Variants in SOD2 observed in about 807,000 individuals in gnomAD.
The protein encoded by SOD2 is superoxide dismutase 2, also known as superoxide dismutase [Mn], mitochondrial.
Under a neutral mutation model 27.0 loss-of-function variants are expected in SOD2, and 11 were observed. The observed-to-expected ratio is 0.41, with a 90% CI of 0.26 to 0.67. The LOEUF (loss-of-function observed/expected upper bound fraction) is 0.67, where lower values mean the gene tolerates loss of function less well. Ranked by LOEUF, SOD2 falls within the 30% of genes least tolerant of loss-of-function variation. The pLI, the probability that SOD2 is intolerant of heterozygous loss-of-function variation, is 0.34. For missense variants in SOD2, 250 were observed against 274.5 expected (o/e 0.91, Z 0.63); for synonymous variants, 105 against 103.0 (o/e 1.02, Z -0.12).
At chr6:159,740,673 G>A (rs146893519) in intron 1 of SOD2, among the ~76,000 whole-genome samples, 47 of 150,116 alleles carry the variant, frequency 3.1e-4, no homozygotes, top group Admixed American at 6.0e-4. Flanking sequence ...GATTAGTTTG[G>A]TATTAGGAAG....
intron 1 of SOD2, chr6:159,736,821 T>G (rs1190550966): frequency 6.5e-6 from 1 of 152,862 alleles, no homozygotes. Flanking sequence ...TAATTACTCT[T>G]ACATACACAC....
intron 1 of SOD2, among the ~76,000 whole-genome samples, chr6:159,708,050 C>T (rs1355945489): frequency 6.6e-6 from 1 of 152,146 alleles, no homozygotes. Context: ...CAGAAAAGGC[C>T]TTGGACAAAA....
chr6:159,758,212 C>T (rs985048076), intron 1 of SOD2, among the ~76,000 whole-genome samples: 1 of 151,662 alleles, frequency 6.6e-6, no homozygotes, highest in Non-Finnish European at 1.5e-5. Context: ...TTGTTTTTCT[C>T]CCCTGTAAGA....
rs1777920017 is a variant in SOD2 at position 159,716,283 on chromosome 6, G to T, written c.-116+10846C>A. On this transcript the variant is annotated intron_variant, in intron 1 of 2. Coordinates refer to the SOD2 transcript ENST00000401980. ...ACAAGAACTGGCAGTCCCTTGGTGA[G>T]TCTGGAAGATTAACAAGGTCATCCC... 2.0e-5 allele frequency among the ~76,000 whole-genome samples: 3 copies of T among 152,202 alleles called. No homozygotes were observed. The South Asian group carries it at 6.2e-4, about 31-fold the overall frequency.
chr6:159,755,818 T>A, intron 1 of SOD2: 1 of 839,942 alleles, frequency 1.2e-6, no homozygotes, highest in Non-Finnish European at 1.6e-6. Flanking sequence ...GCTTTGGAAA[T>A]TGTAACAGTT....
At chr6:159,743,447 A>G (rs1779382973) in intron 1 of SOD2, among the ~76,000 whole-genome samples, 1 of 152,232 alleles carries the variant, frequency 6.6e-6, no homozygotes, top group Non-Finnish European at 1.5e-5. Context: ...AGATGAAACT[A>G]TAAAAACATA....
rs954315245 is a variant in SOD2, at chr6:159,670,466, A to G, written c.*12027T>C. 3 of 152,238 alleles carry G rather than the reference A, an allele frequency of 2.0e-5. No individual in the cohort carries two copies. Among genetic ancestry groups the G allele is most frequent in the East Asian group, 1.9e-4 (1 of 5,206 alleles). 9.4% of individuals were successfully genotyped at this position (152,238 alleles called of 1,614,324 possible). A position where few individuals can be genotyped will look rare whatever the true frequency, so the allele number is the denominator to read the frequency against. On this transcript the variant is annotated 3_prime_UTR_variant, in exon 5 of 5. Transcript: ENST00000538183. ...GCAGCTGTAAGCACTACCAGCAAGT[A>G]TACCCTACTGGTTGGAGAACTTTGT...
chr6:159,748,591 G>A (rs1307732515), upstream of SOD2: 1 of 1,360,820 alleles, frequency 7.3e-7, no homozygotes, highest in Non-Finnish European at 9.4e-7. The surrounding 1 kb of genome is among the most constrained non-coding windows in gnomAD (Gnocchi z 5.6). Context: ...TTGCTTCAGA[G>A]GCCTGATGGC....
rs1779785309 is a variant in SOD2 at position 159,676,573 on chromosome 6, A to T, written c.*5920T>A. 6.6e-6 allele frequency: 1 copy of T among 152,092 alleles called. No individual in the cohort carries two copies. Among genetic ancestry groups the T allele is most frequent in the Admixed American group, 6.6e-5 (1 of 15,264 alleles). 9.4% of individuals were successfully genotyped at this position (152,092 alleles called of 1,614,324 possible). A position where few individuals can be genotyped will look rare whatever the true frequency, so the allele number is the denominator to read the frequency against. Reference sequence around the variant, plus strand: ...GAGAACACTTGGACACAGGAAGGGGAACATCACACACCGGGGCCTGTCGAG... The same window carrying T: ...GAGAACACTTGGACACAGGAAGGGGTACATCACACACCGGGGCCTGTCGAG... On this transcript the variant is annotated 3_prime_UTR_variant, in exon 5 of 5. Transcript: ENST00000538183.
In SOD2 at chr6:159,739,168, G is replaced by A. The variant is rs1779094620; in HGVS notation, c.-116+5962C>T. ...TTGTTCTATCCTCAAATAATTTAAT[G>A]TACTTTTTGAGCATACTATGACCTA... On this transcript the variant is annotated intron_variant, in intron 1 of 3. Coordinates refer to the SOD2 transcript ENST00000537657. 9.0e-6 allele frequency: 7 copies of A among 774,012 alleles called. No individual in the cohort carries two copies. In the South Asian group the frequency reaches 1.4e-4, roughly 16 times the overall value. The allele number at this position is 774,012 out of a possible 1,614,324, so 47.9% of individuals were successfully genotyped here.
intron 1 of SOD2, chr6:159,726,986 G>A (rs1778205532): frequency 7.8e-7 from 1 of 1,278,580 alleles, no homozygotes; most frequent in East Asian, 5.6e-5. Context: ...ATCACGCGCC[G>A]CCTTCGCCCA....
rs1296548996 is a variant in SOD2 at position 159,678,379 on chromosome 6, T to A, written c.*4114A>T. ...CCATCTCTACTAAAAATACAAAAAT[T>A]AGCTGGGCATGGTGGTGCACACTTG... On this transcript the variant is annotated 3_prime_UTR_variant, in exon 5 of 5. Coordinates refer to ENST00000538183, the MANE Select transcript of SOD2 (RefSeq NM_000636.4). The A allele has an allele frequency of 6.6e-6, 1 of 151,918 alleles. No individual in the cohort carries two copies. Among genetic ancestry groups the A allele is most frequent in the Non-Finnish European group, 1.5e-5 (1 of 67,992 alleles). 9.4% of individuals were successfully genotyped at this position (151,918 alleles called of 1,614,324 possible).
intron 1 of SOD2, among the ~76,000 whole-genome samples, chr6:159,710,682 C>T (rs977922643): frequency 1.3e-5 from 2 of 151,596 alleles, no homozygotes; most frequent in African/African-American, 2.4e-5. Flanking sequence ...CATATCCCCT[C>T]ATACTGCTCT....
At chr6:159,715,787 C>T (rs1228327263) in intron 1 of SOD2, among the ~76,000 whole-genome samples, 2 of 151,998 alleles carry the variant, frequency 1.3e-5, no homozygotes, top group Admixed American at 6.5e-5. Flanking sequence ...GTAGTCCCAG[C>T]TACCTGGGGG....
chr6:159,692,254 C>T (rs1777236613), intron 2 of SOD2: 1 of 502,232 alleles, frequency 2.0e-6, no homozygotes, highest in Middle Eastern at 5.8e-4. Context: ...ACGGCTGGCA[C>T]ACCTACCTGA....
At chr6:159,716,549 C>T (rs1777924223) in intron 1 of SOD2, among the ~76,000 whole-genome samples, 3 of 152,318 alleles carry the variant, frequency 2.0e-5, no homozygotes, top group South Asian at 2.1e-4. Flanking sequence ...CAGAACTGCT[C>T]AACTGGCCAA....
At chr6:159,684,146 C>G (rs998302150) in intron 4 of SOD2, among the ~76,000 whole-genome samples, 1 of 152,162 alleles carries the variant, frequency 6.6e-6, no homozygotes, top group African/African-American at 2.4e-5. Flanking sequence ...AACCTGAGAT[C>G]TAGTCCCAGT....
chr6:159,754,916 G>T, intron 1 of SOD2: 1 of 1,141,150 alleles, frequency 8.8e-7, no homozygotes, highest in Non-Finnish European at 1.2e-6. Flanking sequence ...TTTTAGAATT[G>T]TATTTGTTTA....
upstream of SOD2, among the ~76,000 whole-genome samples, chr6:159,695,991 GTACAGACCTATA>G (rs1562429783): frequency 6.6e-6 from 1 of 152,222 alleles, no homozygotes; most frequent in East Asian, 1.9e-4. Context: ...ACCCACCACA[GTACAGACCTATA>G]TATTGTTTGG....
Sources: gnomAD v4.1 joint callset for allele counts (sites outside exome capture counted in the v4.1 genomes callset) on GRCh38, gnomAD v4.1.1 for gene constraint, Gnocchi (gnomAD v3.1) non-coding constraint, MANE v1.5 for transcripts, NCBI Gene and HGNC (gene_info 2026-07-23, HGNC 2026-07-21) for gene names.